Variants in NUP35 observed in about 807,000 individuals in gnomAD.
NUP35 encodes nucleoporin 35, also known as nucleoporin NUP35.
In NUP35, 25 loss-of-function variants were observed where a neutral mutation model predicts 41.5. The ratio of observed to expected loss-of-function variants is 0.60; its 90% CI spans 0.44 to 0.84. NUP35 has a LOEUF of 0.84. Among genes scored for constraint, NUP35 ranks in the 40% least tolerant of loss-of-function variants. The pLI is 0.00. For missense variants in NUP35, 396 were observed against 396.6 expected, an observed-to-expected ratio of 1.00 and a Z score of 0.01; for synonymous variants, 149 against 130.7, an observed-to-expected ratio of 1.14 and a Z score of -0.96.
At chr2:183,136,847 T>C (rs1684891258) in intron 4 of NUP35, among the ~76,000 whole-genome samples, 1 of 152,052 alleles carries the variant, frequency 6.6e-6, no homozygotes, top group Non-Finnish European at 1.5e-5. Flanking sequence ...CCCAGCACTT[T>C]AGGAGGCTGA....
At position 183,159,567 on chromosome 2, in the gene NUP35, C is replaced by T. The variant is rs1685793195; in HGVS notation, c.818C>T (p.Thr273Ile). ...AFTPPIKTLG[T>I]PTQPGSTPRI... The stretch of plus-strand genomic sequence containing the variant: ...ACACCACCAATCAAAACTCTAGGTA[C>T]ACCAACACAACCTGGAAGTACTCCT... Residue 273 changes from threonine to isoleucine, a missense_variant, in exon 8 of 9, where the codon ACA becomes ATA. Transcript: ENST00000295119. 2 of 1,613,338 alleles carry T rather than the reference C, an allele frequency of 1.2e-6. No individual in the cohort carries two copies. Among genetic ancestry groups the T allele is most frequent in the East Asian group, 2.2e-5 (1 of 44,812 alleles).
At chr2:183,135,619 A>T (rs1430430549) in intron 4 of NUP35, among the ~76,000 whole-genome samples, 1 of 152,198 alleles carries the variant, frequency 6.6e-6, no homozygotes, top group African/African-American at 2.4e-5. Context: ...TAGGTGAGAG[A>T]TGATAGTGAT....
chr2:183,126,715 CTAAA>C (rs1301460998), intron 1 of NUP35, among the ~76,000 whole-genome samples: 1 of 151,088 alleles, frequency 6.6e-6, no homozygotes, highest in Non-Finnish European at 1.5e-5. Flanking sequence ...AAGAGGAAGA[CTAAA>C]TAGTTGGCAG....
intron 2 of NUP35, 31 bp from the exon 3 acceptor site, chr2:183,130,387 C>CTTTTTT (rs34173657): frequency 1.6e-5 from 21 of 1,273,258 alleles, no homozygotes; most frequent in East Asian, 2.8e-5. Flanking sequence ...AGAAGAATCC[C>CTTTTTT]TTTTTTTTTT....
intron 1 of NUP35, 63 bp downstream of exon 1, chr2:183,124,560 C>T (rs369823624): frequency 6.3e-7 from 1 of 1,599,894 alleles, no homozygotes; most frequent in Admixed American, 1.7e-5. Flanking sequence ...TGGAGGCGGG[C>T]AAGACTGAAA....
intron 4 of NUP35, among the ~76,000 whole-genome samples, chr2:183,150,939 G>C (rs1203078503): frequency 6.6e-6 from 1 of 152,200 alleles, no homozygotes; most frequent in African/African-American, 2.4e-5. Flanking sequence ...TGGACACACA[G>C]AAGTACTCAA....
In NUP35 at chr2:183,161,259, C is replaced by T. The variant is rs557352324; in HGVS notation, c.*128C>T. ...TCTCATACTTCTTTTAGAAAGAAGC[C>T]TTTTTCATTAAGGATACAACCTATT... is the stretch of plus-strand genomic sequence containing the variant. On this transcript the variant is annotated 3_prime_UTR_variant, in exon 9 of 9. Coordinates refer to ENST00000295119, the MANE Select transcript of NUP35 (RefSeq NM_138285.5). 4.9e-5 allele frequency: 28 copies of T among 577,134 alleles called. No homozygotes were observed. The East Asian group carries it at 8.1e-4, about 17-fold the overall frequency. The allele number at this position is 577,134 out of a possible 1,614,324, so 35.8% of individuals were successfully genotyped here.
chr2:183,159,913 T>C, intron 8 of NUP35: 1 of 384,382 alleles, frequency 2.6e-6, no homozygotes, highest in Non-Finnish European at 4.6e-6. Context: ...TTCTAAGTTA[T>C]ATTTGCATAC....
chr2:183,161,333 A>G lies in NUP35; in HGVS notation c.*202A>G. On this transcript the variant is annotated 3_prime_UTR_variant, in exon 9 of 9. Transcript: ENST00000295119. ...CTTGAGATACATTTTAAAGAAAACT[A>G]AAAATCCCTGTAAATAGGATTTTGT... 1 of 395,342 alleles carries G rather than the reference A, an allele frequency of 2.5e-6. No homozygotes were observed. Among genetic ancestry groups the G allele is most frequent in the Non-Finnish European group, 4.7e-6 (1 of 212,960 alleles). 24.5% of individuals were successfully genotyped at this position (395,342 alleles called of 1,614,324 possible).
At chr2:183,120,321 C>A (rs886609304), upstream of NUP35, among the ~76,000 whole-genome samples, 1 of 152,032 alleles carries the variant, frequency 6.6e-6, no homozygotes, top group African/African-American at 2.4e-5. Flanking sequence ...CGGTGTACAC[C>A]TGTAATCCCA....
chr2:183,148,419 C>A (rs529346481), intron 4 of NUP35, among the ~76,000 whole-genome samples: 63 of 152,262 alleles, frequency 4.1e-4, no homozygotes, highest in African/African-American at 1.5e-3. Context: ...TTTACGTTCT[C>A]ACCAACAGTG....
intron 4 of NUP35, among the ~76,000 whole-genome samples, chr2:183,138,594 CT>C (rs922494958): frequency 2.0e-5 from 3 of 152,162 alleles, no homozygotes; most frequent in Non-Finnish European, 2.9e-5. Flanking sequence ...ATTACTGCCC[CT>C]GGTAAAGAAC....
intron 4 of NUP35, among the ~76,000 whole-genome samples, chr2:183,138,245 C>CTATATATATA (rs1208421272): frequency 1.2e-4 from 14 of 112,680 alleles, no homozygotes; most frequent in African/African-American, 4.1e-4. Flanking sequence ...TCATTTAGAG[C>CTATATATATA]TATATATATA....
chr2:183,152,156 A>AG (rs56941373), intron 5 of NUP35, among the ~76,000 whole-genome samples: 7,207 of 139,582 alleles, frequency 0.052, 298 homozygotes, highest in Middle Eastern at 0.081. Context: ...CACACACACA[A>AG]TGTCACAGGG....
At chr2:183,125,617 T>C (rs1684438323) in intron 1 of NUP35, among the ~76,000 whole-genome samples, 1 of 152,246 alleles carries the variant, frequency 6.6e-6, no homozygotes, top group Non-Finnish European at 1.5e-5. Flanking sequence ...TTATTTTTAA[T>C]GTATTTTAGA....
chr2:183,148,981 G>T (rs1198165852), intron 4 of NUP35, among the ~76,000 whole-genome samples: 1 of 152,128 alleles, frequency 6.6e-6, no homozygotes, highest in African/African-American at 2.4e-5. Context: ...ACCTTCTATA[G>T]ATAATCTTTT....
intron 3 of NUP35, among the ~76,000 whole-genome samples, chr2:183,132,749 A>G (rs1684742507): frequency 6.6e-6 from 1 of 152,166 alleles, no homozygotes; most frequent in Non-Finnish European, 1.5e-5. Flanking sequence ...GAAAGTTGGT[A>G]AGAATATTAT....
rs1024710352 is a variant in NUP35, at chr2:183,129,220, G to A, written c.211+763G>A. Among the ~76,000 whole-genome samples the A allele has an allele frequency of 2.0e-4, 30 of 152,236 alleles. 1 individual carries two copies. Among genetic ancestry groups the A allele is most frequent in the African/African-American group, 6.5e-4 (27 of 41,524 alleles). On this transcript the variant is annotated intron_variant, in intron 2 of 8. Transcript: ENST00000295119. ...ATATAGCGTGTTTAAGGAAACTTGG[G>A]GGGGAGGTTTTATACACAGAATTTG...
intron 2 of NUP35, 58 bp downstream of exon 2, chr2:183,128,515 T>A (rs1364535812): frequency 7.3e-7 from 1 of 1,376,928 alleles, no homozygotes; most frequent in Non-Finnish European, 9.8e-7. Flanking sequence ...ATGTCCAATT[T>A]TTTGGCTTCC....
Sources: allele counts gnomAD v4.1 joint callset (sites outside exome capture counted in the v4.1 genomes callset), GRCh38; gene constraint gnomAD v4.1.1; transcripts MANE v1.5; gene names NCBI Gene and HGNC (gene_info 2026-07-23, HGNC 2026-07-21).